PTPRD: variants seen among roughly 807,000 people sequenced by gnomAD.
PTPRD encodes the protein protein tyrosine phosphatase receptor type D.
PTPRD carries 34 observed loss-of-function variants against 214.5 expected under a neutral mutation model. That is an observed-to-expected ratio of 0.16 (90% confidence interval 0.12 to 0.21). The LOEUF (loss-of-function observed/expected upper bound fraction) is 0.21. Ranked by LOEUF, PTPRD falls within the 10% of genes least tolerant of loss-of-function variation. PTPRD has a pLI of 1.00. For missense variants in PTPRD, 2,545 were observed against 2,398.7 expected (o/e 1.06, Z -1.27); for synonymous variants, 1,128 against 845.7 (o/e 1.33, Z -5.79).
At chr9:10,256,565 G>T (rs189300082) in intron 3 of PTPRD, among the ~76,000 whole-genome samples, 1 of 152,100 alleles carries the variant, frequency 6.6e-6, no homozygotes, top group African/African-American at 2.4e-5. Flanking sequence ...CTGTAATTTT[G>T]TCAAGTGGTT....
chr9:9,290,304 TTATTTGCTTCTTTGC>T (rs1440418463), intron 9 of PTPRD, among the ~76,000 whole-genome samples: 1 of 151,778 alleles, frequency 6.6e-6, no homozygotes, highest in Non-Finnish European at 1.5e-5. Context: ...TTAAATTAGA[TTATTTGCTTCTTTGC>T]TATTTAGTTG....
At chr9:8,660,101 G>T (rs2097006535) in intron 12 of PTPRD, among the ~76,000 whole-genome samples, 2 of 152,126 alleles carry the variant, frequency 1.3e-5, no homozygotes, top group Non-Finnish European at 2.9e-5. Context: ...GTGTTTTTCA[G>T]AAATTATTTT....
At chr9:8,852,239 G>A (rs1005656668) in intron 11 of PTPRD, among the ~76,000 whole-genome samples, 7 of 151,950 alleles carry the variant, frequency 4.6e-5, no homozygotes, top group South Asian at 2.1e-4. Flanking sequence ...ATAGCTCAAG[G>A]GATGTTGTTA....
intron 30 of PTPRD, among the ~76,000 whole-genome samples, chr9:8,475,741 G>C (rs1204150269): frequency 6.6e-6 from 1 of 152,098 alleles, no homozygotes; most frequent in African/African-American, 2.4e-5. Context: ...CTCTCCCTCT[G>C]TCATACTTAA....
intron 5 of PTPRD, among the ~76,000 whole-genome samples, chr9:9,794,170 TATAC>T (rs2098986342): frequency 6.7e-6 from 1 of 149,284 alleles, no homozygotes; most frequent in African/African-American, 2.5e-5. Context: ...TATATATATA[TATAC>T]ATGTATATAT....
At chr9:8,656,581 G>A (rs1400972875) in intron 12 of PTPRD, among the ~76,000 whole-genome samples, 1 of 152,104 alleles carries the variant, frequency 6.6e-6, no homozygotes, top group African/African-American at 2.4e-5. Flanking sequence ...GTAATAGTGA[G>A]GTATTTCCCT....
intron 12 of PTPRD, among the ~76,000 whole-genome samples, chr9:8,664,412 C>G (rs1361727808): frequency 6.6e-6 from 1 of 152,136 alleles, no homozygotes; most frequent in Non-Finnish European, 1.5e-5. Flanking sequence ...ATCTTTTCTT[C>G]AATAAAGGCA....
intron 8 of PTPRD, among the ~76,000 whole-genome samples, chr9:9,423,306 A>G (rs2079537422): frequency 6.6e-6 from 1 of 152,134 alleles, no homozygotes; most frequent in African/African-American, 2.4e-5. Context: ...ATCACAGAAT[A>G]AGAGACCAGG....
chr9:9,195,986 A>T (rs1244974309), intron 9 of PTPRD, among the ~76,000 whole-genome samples: 1 of 152,176 alleles, frequency 6.6e-6, no homozygotes, highest in African/African-American at 2.4e-5. Context: ...TATTTTGAAG[A>T]ATTAAAAGAT....
intron 9 of PTPRD, among the ~76,000 whole-genome samples, chr9:9,312,191 G>T (rs1165876968): frequency 6.6e-6 from 1 of 152,120 alleles, no homozygotes; most frequent in African/African-American, 2.4e-5. Flanking sequence ...TGAAGTATCA[G>T]CTTTACTCCA....
intron 2 of PTPRD, among the ~76,000 whole-genome samples, chr9:10,591,110 A>G (rs2075332536): frequency 6.6e-6 from 1 of 151,912 alleles, no homozygotes; most frequent in Non-Finnish European, 1.5e-5. Flanking sequence ...CCAGCCTCTT[A>G]GGATGCTCAC....
chr9:8,382,089 G>T (rs2085281110), intron 37 of PTPRD, among the ~76,000 whole-genome samples: 1 of 152,222 alleles, frequency 6.6e-6, no homozygotes, highest in African/African-American at 2.4e-5. Context: ...TTTGACTCCA[G>T]TGTCACCTCT....
chr9:9,089,507 A>T (rs1023566587), intron 10 of PTPRD, among the ~76,000 whole-genome samples: 26 of 152,188 alleles, frequency 1.7e-4, no homozygotes, highest in African/African-American at 6.0e-4. Context: ...GTTAGAATAA[A>T]TGCTCCATGA....
At position 8,509,302 on chromosome 9, in the gene PTPRD, A is replaced by T. The variant is rs192086839; in HGVS notation, c.1544-1868T>A. On this transcript the variant is annotated intron_variant, in intron 21 of 45. Transcript: ENST00000381196. ...ACTGGCAGGAGCAATAATGGAAACA[A>T]GAGTGACCAGATAGATGGGAAAATT... Among the ~76,000 whole-genome samples the T allele has an allele frequency of 5.3e-4, 81 of 152,352 alleles. No homozygotes were observed. The Middle Eastern group carries it at 0.01, about 19-fold the overall frequency.
At chr9:8,901,157 T>G (rs17585256) in intron 11 of PTPRD, among the ~76,000 whole-genome samples, 29,204 of 152,140 alleles carry the variant, frequency 0.19, 3,264 homozygotes, top group Middle Eastern at 0.33. Flanking sequence ...GTGAGCTTCA[T>G]GGGTTCATTG....
intron 5 of PTPRD, among the ~76,000 whole-genome samples, chr9:9,881,182 A>G (rs2068564251): frequency 6.6e-6 from 1 of 152,146 alleles, no homozygotes; most frequent in South Asian, 2.1e-4. Context: ...GTTTTTTTTA[A>G]TTGGCTAACA....
At chr9:8,702,705 T>C (rs1008932541) in intron 12 of PTPRD, among the ~76,000 whole-genome samples, 2 of 152,194 alleles carry the variant, frequency 1.3e-5, no homozygotes, top group Non-Finnish European at 2.9e-5. Context: ...CCTCCCGTGT[T>C]CAAGCGATTC....
chr9:8,889,989 C>G (rs1335607300), intron 11 of PTPRD, among the ~76,000 whole-genome samples: 1 of 152,142 alleles, frequency 6.6e-6, no homozygotes, highest in Admixed American at 6.5e-5. Context: ...AGTGGGATTG[C>G]TGGATCAAAT....
At chr9:10,346,046 A>ATT (rs2097074669) in intron 2 of PTPRD, among the ~76,000 whole-genome samples, 1 of 152,192 alleles carries the variant, frequency 6.6e-6, no homozygotes, top group African/African-American at 2.4e-5. Context: ...ATATATGACA[A>ATT]CACAGAAAAT....
Sources: allele counts gnomAD v4.1 joint callset (sites outside exome capture counted in the v4.1 genomes callset), GRCh38; gene constraint gnomAD v4.1.1; transcripts MANE v1.5; gene names NCBI Gene and HGNC (gene_info 2026-07-23, HGNC 2026-07-21).